Variants in SLC6A8 observed in about 807,000 individuals in gnomAD.
The protein encoded by SLC6A8 is solute carrier family 6 member 8.
Under a neutral mutation model 48.3 loss-of-function variants are expected in SLC6A8, and 6 were observed. The observed-to-expected ratio is 0.12, with a 90% CI of 0.07 to 0.25. SLC6A8 has a LOEUF of 0.25. Among genes scored for constraint, SLC6A8 ranks in the 10% least tolerant of loss-of-function variants. The probability of loss-of-function intolerance (pLI) is 1.00; values close to 1 mark genes in which losing one functional copy is unlikely to be tolerated. For synonymous variants in SLC6A8, 245 were observed against 244.0 expected (o/e 1.00, Z -0.04); for missense variants, 260 against 551.5 (o/e 0.47, Z 5.29).
Position 153,694,526 on chromosome X carries a change from G to A in SLC6A8, c.1496-7G>A, listed in dbSNP as rs781814962. On this transcript the variant is annotated splice_polypyrimidine_tract_variant and splice_region_variant and intron_variant, in intron 10 of 12. Transcript: ENST00000253122. Reference sequence around the variant, plus strand: ...CAGCTTGGCCCTCCCGCCTCACCTCGCCGCAGGAGCTGACCGCTTCATGGA... The same window carrying A: ...CAGCTTGGCCCTCCCGCCTCACCTCACCGCAGGAGCTGACCGCTTCATGGA... 25 of 1,205,395 alleles carry A rather than the reference G, an allele frequency of 2.1e-5. No homozygotes were observed. The highest frequency in any genetic ancestry group is 2.3e-4 in the Middle Eastern group (1 of 4,320).
In SLC6A8 at chrX:153,691,395, C is replaced by T. The variant is rs1414869177; in HGVS notation, c.486C>T (p.Ser162=). ...LAWGFYYLVK[S]FTTTLPWATC... ...GGGGCTTCTATTACCTGGTCAAGTC[C>T]TTTACCACCACGCTGCCCTGGGCCA... Residue 162 remains serine (S), a synonymous_variant, in exon 3 of 13, where the codon TCC becomes TCT. Transcript: ENST00000253122. The T allele has an allele frequency of 8.3e-7, 1 of 1,209,839 alleles. No individual in the cohort carries two copies. Among genetic ancestry groups the T allele is most frequent in the Non-Finnish European group, 1.1e-6 (1 of 894,325 alleles).
chrX:153,690,596 C>T lies in SLC6A8; in HGVS notation c.394+90C>T, dbSNP rs1308097309. The T allele has an allele frequency of 4.0e-6, 4 of 994,432 alleles. No homozygotes were observed. The African/African-American group carries it at 7.6e-5, about 19-fold the overall frequency. The allele number at this position is 994,432 out of a possible 1,213,427, so 82.0% of individuals were successfully genotyped here. On this transcript the variant is annotated intron_variant, in intron 2 of 12. Coordinates refer to ENST00000253122, the MANE Select transcript of SLC6A8 (RefSeq NM_005629.4). ...TCTTTTCCTGTCGTGAGCACCAGGC[C>T]TGGGGCCACGTGATGGCGTCCCAGT...
In SLC6A8 at chrX:153,688,727, G is replaced by A. The variant is rs782351119; in HGVS notation, c.153G>A (p.Pro51=). Residue 51 remains proline (P), a synonymous_variant, in exon 1 of 13, where the codon CCG becomes CCA. Transcript: ENST00000253122. The part of the protein sequence containing the change: ...GTPGGRLAVP[P]RETWTRQMDF... ...CCGGCGGCCGCCTGGCCGTGCCGCC[G>A]CGCGAGACCTGGACGCGCCAGATGG... 1 of 1,136,323 alleles carries A rather than the reference G, an allele frequency of 8.8e-7. No individual in the cohort carries two copies. Among genetic ancestry groups the A allele is most frequent in the Non-Finnish European group, 1.2e-6 (1 of 855,653 alleles). 93.6% of individuals were successfully genotyped at this position (1,136,323 alleles called of 1,213,427 possible). A position where few individuals can be genotyped will look rare whatever the true frequency, so the allele number is the denominator to read the frequency against.
rs1569539627 is a variant in SLC6A8 at position 153,696,166 on chromosome X, G to A, written c.*952G>A. On this transcript the variant is annotated 3_prime_UTR_variant, in exon 13 of 13. Coordinates refer to ENST00000253122, the MANE Select transcript of SLC6A8 (RefSeq NM_005629.4). ...CGTGTGTGGTCCCCAGCCCCAGACT[G>A]GATTGGAAAAGTGCATGGTGGGGGC... 1 of 244,362 alleles carries A rather than the reference G, an allele frequency of 4.1e-6. No homozygotes were observed. Among genetic ancestry groups the A allele is most frequent in the Non-Finnish European group, 7.7e-6 (1 of 129,554 alleles). 20.1% of individuals were successfully genotyped at this position (244,362 alleles called of 1,213,427 possible).
Position 153,692,017 on chromosome X carries a change from G to A in SLC6A8, c.687G>A (p.Gly229=), listed in dbSNP as rs1557044561. The change falls in exon 4 of 13, where the codon GGG becomes GGA. Residue 229 remains glycine (G), a synonymous_variant. Transcript: ENST00000253122. The part of the protein sequence containing the change: ...LRLSGGLEVP[G]ALNWEVTLCL... ...TGTCTGGGGGACTGGAGGTGCCAGG[G>A]GCCCTCAACTGGGAGGTGACCCTTT... 8.4e-7 allele frequency: 1 copy of A among 1,189,518 alleles called. No individual in the cohort carries two copies. The highest frequency in any genetic ancestry group is 1.1e-6 in the Non-Finnish European group (1 of 878,352).
chrX:153,689,760 C>T (rs1249154821), intron 1 of SLC6A8, among the ~76,000 whole-genome samples: 1 of 111,332 alleles, frequency 9.0e-6, no homozygotes, highest in East Asian at 2.9e-4. Flanking sequence ...GCCTGTGTCA[C>T]GCCCTGCCTA....
chrX:153,690,313 C>T lies in SLC6A8; in HGVS notation c.263-62C>T, dbSNP rs1357413223. 4 of 1,153,351 alleles carry T rather than the reference C, an allele frequency of 3.5e-6. No individual in the cohort carries two copies. In the Admixed American group the frequency reaches 7.6e-5, roughly 22 times the overall value. ...GGGGCCTTTGGAGTCTGGGCTGGCC[C>T]GCTGGGCCTGGGCAGCCTGGCTGGG... On this transcript the variant is annotated intron_variant, in intron 1 of 12. Transcript: ENST00000253122.
rs1485660118 is a variant in SLC6A8, at chrX:153,695,193, C to T, written c.1887C>T (p.Val629=). ...LTPVSESSKV[V]VVESVM ...CAGTGTCCGAGAGCAGCAAGGTCGT[C>T]GTGGTGGAGAGTGTCATGTGACAAC... The change falls in exon 13 of 13, where the codon GTC becomes GTT. Residue 629 remains valine (V), a synonymous_variant. Coordinates refer to ENST00000253122, the MANE Select transcript of SLC6A8 (RefSeq NM_005629.4). 7.6e-6 allele frequency: 9 copies of T among 1,185,247 alleles called. No homozygotes were observed. Among genetic ancestry groups the T allele is most frequent in the African/African-American group, 5.3e-5 (3 of 56,387 alleles).
In SLC6A8 at chrX:153,695,217, A is replaced by G. The variant is rs2314080; in HGVS notation, c.*3A>G. Reference sequence around the variant, plus strand: ...TCGTGGTGGAGAGTGTCATGTGACAACTCAGCTCACATCACCAGCTCACCT... The same window carrying G: ...TCGTGGTGGAGAGTGTCATGTGACAGCTCAGCTCACATCACCAGCTCACCT... On this transcript the variant is annotated 3_prime_UTR_variant, in exon 13 of 13. Transcript: ENST00000253122. The G allele has an allele frequency of 8.5e-7, 1 of 1,179,243 alleles. No individual in the cohort carries two copies. Among genetic ancestry groups the G allele is most frequent in the East Asian group, 3.1e-5 (1 of 31,915 alleles).
At chrX:153,692,976 G>A (rs2091465134) in intron 4 of SLC6A8, 65 bp from the exon 5 acceptor site, 1 of 1,189,638 alleles carries the variant, frequency 8.4e-7, no homozygotes, top group East Asian at 3.0e-5. Flanking sequence ...GGGACCGGAG[G>A]CGCTGGGAGT....
chrX:153,693,984 C>T lies in SLC6A8; in HGVS notation c.1221C>T (p.Phe407=), dbSNP rs782066930. The part of the protein sequence containing the change: ...PVAPLWAALF[F]FMLLLLGLDS... ...CCCCACTCTGGGCTGCCCTGTTCTT[C>T]TTCATGCTGTTGCTGCTTGGTCTCG... Residue 407 remains phenylalanine, a synonymous_variant, in exon 8 of 13, where the codon TTC becomes TTT. Coordinates refer to ENST00000253122, the MANE Select transcript of SLC6A8 (RefSeq NM_005629.4). 6.8e-6 allele frequency: 8 copies of T among 1,180,815 alleles called. No individual in the cohort carries two copies. The East Asian group carries it at 1.8e-4, about 27-fold the overall frequency.
chrX:153,695,523 C>A lies in SLC6A8; in HGVS notation c.*309C>A, dbSNP rs1372682874. On this transcript the variant is annotated 3_prime_UTR_variant, in exon 13 of 13. Coordinates refer to ENST00000253122, the MANE Select transcript of SLC6A8 (RefSeq NM_005629.4). ...ACTCCTCCTGCCCCTGCCACGCCCA[C>A]CCCCTGCCCACCTCTCCAGGCTCTG... 3 of 332,963 alleles carry A rather than the reference C, an allele frequency of 9.0e-6. No homozygotes were observed. The highest frequency in any genetic ancestry group is 9.1e-4 in the Middle Eastern group (1 of 1,102). 27.4% of individuals were successfully genotyped at this position (332,963 alleles called of 1,213,427 possible).
Position 153,688,796 on chromosome X carries a change from C to T in SLC6A8, c.222C>T (p.Asn74=). ...TGGGCTTCGCCGTGGGCTTGGGCAA[C>T]GTGTGGCGCTTCCCCTACCTGTGCT... ...SCVGFAVGLG[N]VWRFPYLCYK... is the part of the protein sequence containing the mutation. Residue 74 remains asparagine, a synonymous_variant, in exon 1 of 13, where the codon AAC becomes AAT. Coordinates refer to ENST00000253122, the MANE Select transcript of SLC6A8 (RefSeq NM_005629.4). The T allele has an allele frequency of 8.8e-7, 1 of 1,139,716 alleles. No homozygotes were observed. Among genetic ancestry groups the T allele is most frequent in the Non-Finnish European group, 1.2e-6 (1 of 856,911 alleles). The allele number at this position is 1,139,716 out of a possible 1,213,427, so 93.9% of individuals were successfully genotyped here. A position where few individuals can be genotyped will look rare whatever the true frequency, so the allele number is the denominator to read the frequency against.
intron 1 of SLC6A8, among the ~76,000 whole-genome samples, chrX:153,689,162 C>T (rs1286216060): frequency 1.8e-5 from 2 of 112,364 alleles, no homozygotes; most frequent in Non-Finnish European, 3.8e-5. Context: ...AGGTAAGGAG[C>T]CCTGGCTGCC....
intron 1 of SLC6A8, 31 bp from the exon 2 acceptor site, chrX:153,690,344 C>T: frequency 1.7e-6 from 2 of 1,183,706 alleles, no homozygotes; most frequent in Non-Finnish European, 2.3e-6. Context: ...CTGGGGGCCA[C>T]CCTGAGTCCA....
chrX:153,690,899 C>CT, intron 2 of SLC6A8: 2 of 239,650 alleles, frequency 8.3e-6, no homozygotes, highest in South Asian at 9.7e-5. Context: ...GAAACCCCCC[C>CT]CCCCCACCAC....
At position 153,695,962 on chromosome X, in the gene SLC6A8, TTGTA is replaced by T. The variant is rs1557046108; in HGVS notation, c.*750_*753del. On this transcript the variant is annotated 3_prime_UTR_variant, in exon 13 of 13. Coordinates refer to ENST00000253122, the MANE Select transcript of SLC6A8 (RefSeq NM_005629.4). ...AAACTTGAGAGAATGAGATTTCTGCTTGTATATTTCTAAAAAGAGGAAGGAGCCC... is the reference window on the plus strand; with the variant it reads ...AAACTTGAGAGAATGAGATTTCTGCTTATTTCTAAAAAGAGGAAGGAGCCC... 8.0e-6 allele frequency: 1 copy of T among 125,344 alleles called. No homozygotes were observed. The highest frequency in any genetic ancestry group is 3.2e-5 in the African/African-American group (1 of 31,188). 10.3% of individuals were successfully genotyped at this position (125,344 alleles called of 1,213,427 possible).
chrX:153,694,946 C>G, intron 12 of SLC6A8, 57 bp downstream of exon 12: 1 of 1,124,313 alleles, frequency 8.9e-7, no homozygotes, highest in Non-Finnish European at 1.2e-6. Context: ...TCAACCCAGC[C>G]TGCTTCCTAG....
intron 3 of SLC6A8, 118 bp downstream of exon 3, chrX:153,691,671 G>A: frequency 1.1e-6 from 1 of 941,213 alleles, no homozygotes; most frequent in Non-Finnish European, 1.5e-6. Context: ...GTCCATCCTG[G>A]ACCCTGCCTG....
Sources: gnomAD v4.1 joint callset for allele counts (sites outside exome capture counted in the v4.1 genomes callset) on GRCh38, gnomAD v4.1.1 for gene constraint, MANE v1.5 for transcripts, NCBI Gene and HGNC (gene_info 2026-07-23, HGNC 2026-07-21) for gene names.